The following NEK10 variants were observed in gnomAD, a reference collection of about 807,000 sequenced individuals.
NEK10 encodes NIMA related kinase 10, also known as serine/threonine-protein kinase Nek10.
Under a neutral mutation model 159.8 loss-of-function variants are expected in NEK10, and 122 were observed. That is an observed-to-expected ratio of 0.76 (90% CI 0.66 to 0.89). The LOEUF (loss-of-function observed/expected upper bound fraction) is 0.89, where lower values mean the gene tolerates loss of function less well. Ranked by LOEUF, NEK10 falls within the 40% of genes least tolerant of loss-of-function variation. The pLI is 0.00. For synonymous variants in NEK10, 466 were observed against 457.1 expected, an observed-to-expected ratio of 1.02 and a Z score of -0.25; for missense variants, 1,342 against 1,323.1, an observed-to-expected ratio of 1.01 and a Z score of -0.22.
chr3:27,348,715 TTCA>T (rs1471673825), intron 3 of NEK10, among the ~76,000 whole-genome samples: 1 of 152,136 alleles, frequency 6.6e-6, no homozygotes, highest in Non-Finnish European at 1.5e-5. Flanking sequence ...TTACCTCTCT[TTCA>T]AAACTTATCT....
At chr3:27,219,520 T>C (rs1415015559) in intron 23 of NEK10, among the ~76,000 whole-genome samples, 4 of 152,234 alleles carry the variant, frequency 2.6e-5, no homozygotes, top group Non-Finnish European at 5.9e-5. Flanking sequence ...CTTTAGTGGA[T>C]TGCCTATGTT....
chr3:27,227,101 C>T (rs1472060561), intron 23 of NEK10, among the ~76,000 whole-genome samples: 1 of 152,148 alleles, frequency 6.6e-6, no homozygotes. Context: ...TGAGCACTTG[C>T]TATGTACCAA....
intron 22 of NEK10, among the ~76,000 whole-genome samples, chr3:27,266,913 C>A (rs977847674): frequency 6.6e-6 from 1 of 152,186 alleles, no homozygotes; most frequent in Non-Finnish European, 1.5e-5. Flanking sequence ...GACAGTTCCA[C>A]TGGCACTATA....
chr3:27,344,389 A>G lies in NEK10; in HGVS notation c.264-19T>C, dbSNP rs2047409268. ...GTTTATACTGAGACAAAACAAACAGAAAAGGATTTTGTAATAGAGATCAGG... is the reference window on the plus strand; with the variant it reads ...GTTTATACTGAGACAAAACAAACAGGAAAGGATTTTGTAATAGAGATCAGG... On this transcript the variant is annotated intron_variant, in intron 4 of 35. Coordinates refer to ENST00000691995, the MANE Select transcript of NEK10 (RefSeq NM_001394966.1). The G allele has an allele frequency of 7.5e-7, 1 of 1,332,434 alleles. No homozygotes were observed. The highest frequency in any genetic ancestry group is 1.4e-5 in the African/African-American group (1 of 69,692). 82.5% of individuals were successfully genotyped at this position (1,332,434 alleles called of 1,614,324 possible). A position where few individuals can be genotyped will look rare whatever the true frequency, so the allele number is the denominator to read the frequency against.
chr3:27,366,986 T>G (rs933400339), intron 1 of NEK10, among the ~76,000 whole-genome samples: 4 of 151,730 alleles, frequency 2.6e-5, no homozygotes, highest in Non-Finnish European at 4.4e-5. Context: ...AATTTTGTAT[T>G]TTTTGTAGAG....
chr3:27,198,875 T>C (rs1949788411), intron 25 of NEK10, among the ~76,000 whole-genome samples: 1 of 136,074 alleles, frequency 7.3e-6, no homozygotes, highest in Non-Finnish European at 1.6e-5. Context: ...ATAGAGACCA[T>C]CCTGGCTAAC....
chr3:27,349,467 T>C (rs974751356), intron 3 of NEK10, among the ~76,000 whole-genome samples: 2 of 152,240 alleles, frequency 1.3e-5, no homozygotes, highest in East Asian at 3.9e-4. Flanking sequence ...TGTCTTGCCT[T>C]ATACCATAAT....
At chr3:27,332,964 A>C (rs1387482507) in intron 5 of NEK10, among the ~76,000 whole-genome samples, 3 of 152,252 alleles carry the variant, frequency 2.0e-5, no homozygotes, top group Non-Finnish European at 4.4e-5. Context: ...TAACAATTCA[A>C]GAGAGCTGAC....
Position 27,307,941 on chromosome 3 carries a change from CT to C in NEK10, c.720del (p.Glu241AsnfsTer6). 6.9e-7 allele frequency: 1 copy of C among 1,457,676 alleles called. No individual in the cohort carries two copies. The highest frequency in any genetic ancestry group is 9.6e-7 in the Non-Finnish European group (1 of 1,039,414). 90.3% of individuals were successfully genotyped at this position (1,457,676 alleles called of 1,614,324 possible). On this transcript the variant is annotated frameshift_variant, in exon 11 of 36. Transcript: ENST00000691995. LOFTEE classifies it high-confidence loss of function. The stretch of plus-strand genomic sequence containing the variant: ...AGTTCACTTATCTTCTCCCTACATT[CT>C]TGACTATAAATTGAAAAATATTAGC... ...LLALASLAES[Q>X]ECREKISELN...
intron 26 of NEK10, among the ~76,000 whole-genome samples, chr3:27,188,359 T>C (rs527938016): frequency 4.6e-5 from 7 of 152,364 alleles, no homozygotes; most frequent in African/African-American, 1.7e-4. Context: ...TCATTGTTTA[T>C]AATTTTTTAT....
At position 27,335,811 on chromosome 3, in the gene NEK10, CAAAT is replaced by C. The variant is rs570185690; in HGVS notation, c.362+8457_362+8460del. On this transcript the variant is annotated intron_variant, in intron 5 of 35. Transcript: ENST00000691995. ...ATGTAAATAGAAAAATTTCTTGAAA[CAAAT>C]GAATGTGGAAACACGACATACCAAA... is the stretch of plus-strand genomic sequence containing the variant. Among the ~76,000 whole-genome samples the C allele has an allele frequency of 5.5e-3, 843 of 152,106 alleles. 6 individuals carry two copies. Among genetic ancestry groups the C allele is most frequent in the Admixed American group, 6.8e-3 (104 of 15,276 alleles).
chr3:27,367,392 T>C (rs185195320), intron 1 of NEK10: 110 of 152,348 alleles, frequency 7.2e-4, no homozygotes, highest in African/African-American at 2.5e-3. Context: ...GCTTATGTCA[T>C]ATAATAACAG....
intron 1 of NEK10, among the ~76,000 whole-genome samples, chr3:27,355,158 C>G (rs1477562258): frequency 6.6e-6 from 1 of 152,148 alleles, no homozygotes; most frequent in Non-Finnish European, 1.5e-5. Context: ...CTTCCAACTA[C>G]TGAGTTGAAT....
chr3:27,132,132 T>C (rs1164769381), intron 31 of NEK10, 142 bp from the exon 32 acceptor site: 1 of 427,912 alleles, frequency 2.3e-6, no homozygotes, highest in Non-Finnish European at 4.2e-6. Context: ...GCAAATAGCA[T>C]GACTAGATGC....
chr3:27,239,728 G>C (rs892075977), intron 23 of NEK10, among the ~76,000 whole-genome samples: 1 of 151,950 alleles, frequency 6.6e-6, no homozygotes, highest in Non-Finnish European at 1.5e-5. Context: ...CGAAATTTAG[G>C]GAAAAAAGGC....
chr3:27,162,395 G>A, intron 30 of NEK10: 2 of 1,584,440 alleles, frequency 1.3e-6, no homozygotes, highest in Non-Finnish European at 1.7e-6. Flanking sequence ...AGACATCTCA[G>A]GCCCAACTAT....
At chr3:27,338,186 T>C (rs1379456809) in intron 5 of NEK10, among the ~76,000 whole-genome samples, 2 of 152,128 alleles carry the variant, frequency 1.3e-5, no homozygotes, top group African/African-American at 4.8e-5. Context: ...GGACATGCGG[T>C]GTTTGGTTTT....
rs550864213 is a variant in NEK10, at chr3:27,179,159, G to A, written c.2506-4326C>T. On this transcript the variant is annotated intron_variant, in intron 26 of 35. Transcript: ENST00000691995. ...TCCCATTCTCTACATACAGTTAAGA[G>A]AGCAATAGTTAAATCTAAACCAGAA... 2.0e-5 allele frequency among the ~76,000 whole-genome samples: 3 copies of A among 152,232 alleles called. No homozygotes were observed. The South Asian group carries it at 6.2e-4, about 32-fold the overall frequency.
chr3:27,284,730 T>C (rs749068050), intron 21 of NEK10, 26 bp from the exon 22 acceptor site: 1 of 1,562,204 alleles, frequency 6.4e-7, no homozygotes, highest in South Asian at 1.1e-5. Flanking sequence ...AGAAAACAAA[T>C]TTTATTTCCC....
Sources: gnomAD v4.1 joint callset for allele counts (sites outside exome capture counted in the v4.1 genomes callset) on GRCh38, gnomAD v4.1.1 for gene constraint, MANE v1.5 for transcripts, NCBI Gene and HGNC (gene_info 2026-07-23, HGNC 2026-07-21) for gene names.